Variants in SOWAHB observed in about 807,000 individuals in gnomAD.
SOWAHB encodes the protein sosondowah ankyrin repeat domain family member B.
Under a neutral mutation model 18.3 loss-of-function variants are expected in SOWAHB, and 17 were observed. The observed-to-expected ratio is 0.93, with a 90% CI of 0.64 to 1.40. SOWAHB has a LOEUF of 1.40. SOWAHB is among the 40% of genes most tolerant of loss of function. The probability of loss-of-function intolerance (pLI) is 0.00; values close to 1 mark genes in which losing one functional copy is unlikely to be tolerated. For synonymous variants in SOWAHB, 496 were observed against 448.1 expected (o/e 1.11, Z -1.35); for missense variants, 1,126 against 1,033.7 (o/e 1.09, Z -1.22).
rs755017344 is a variant in SOWAHB at position 76,897,404 on chromosome 4, G to A, written c.446C>T (p.Pro149Leu). ...RAADAACNGL[P>L]GSDSRRAPGK... ...GGGCGCCCTACGGGAGTCGCTGCCC[G>A]GGAGTCCATTGCAAGCTGCGTCGGC... Residue 149 changes from proline to leucine, a missense_variant, in exon 1 of 1, where the codon CCG becomes CTG. Coordinates refer to ENST00000334306, the MANE Select transcript of SOWAHB (RefSeq NM_001029870.3). The surrounding 1 kb of genome is among the most constrained non-coding windows in gnomAD (Gnocchi z 6.4). 2.0e-6 allele frequency: 3 copies of A among 1,524,498 alleles called. No homozygotes were observed. The highest frequency in any genetic ancestry group is 2.6e-6 in the Non-Finnish European group (3 of 1,142,804). 94.4% of individuals were successfully genotyped at this position (1,524,498 alleles called of 1,614,324 possible).
In SOWAHB at chr4:76,897,029, G is replaced by T. The variant is rs1244512161; in HGVS notation, c.821C>A (p.Ala274Asp). Reference protein sequence around the residue: ...EAATSRASPPALLPGPAPRGD... With the variant: ...EAATSRASPPDLLPGPAPRGD... ...GCGGGGAGCGGGGCCGGGCAGGAGA[G>T]CAGGCGGGGAAGCCCTGCTTGTCGC... Residue 274 changes from alanine to aspartate, a missense_variant, in exon 1 of 1, where the codon GCT (alanine) becomes GAT (aspartate). Transcript: ENST00000334306. This position sits in a 1 kb window ranked among gnomAD's most constrained non-coding sequence, Gnocchi z 6.4. The T allele has an allele frequency of 1.3e-6, 2 of 1,550,976 alleles. No homozygotes were observed. The highest frequency in any genetic ancestry group is 1.7e-6 in the Non-Finnish European group (2 of 1,154,654).
Position 76,896,791 on chromosome 4 carries a change from G to C in SOWAHB, c.1059C>G (p.Asp353Glu). 1 of 1,613,938 alleles carries C rather than the reference G, an allele frequency of 6.2e-7. No homozygotes were observed. The change falls in exon 1 of 1, where the codon GAC (aspartate) becomes GAG (glutamate). Residue 353 changes from aspartate to glutamate, a missense_variant. Asp to Glu is a conservative substitution (Grantham distance 45). Coordinates refer to ENST00000334306, the MANE Select transcript of SOWAHB (RefSeq NM_001029870.3). ...AGAGAGAGTGCGAGGAAAGACAGGG[G>C]TCTGGCGGCTCTGAATTAGGCTCCG... ...GSTEPNSEPP[D>E]PCLSSHSLFP...
In SOWAHB at chr4:76,897,913, G is replaced by A; in HGVS notation, c.-64C>T. On this transcript the variant is annotated 5_prime_UTR_variant, in exon 1 of 1. Transcript: ENST00000334306. This position sits in a 1 kb window ranked among gnomAD's most constrained non-coding sequence, Gnocchi z 6.4. ...GCCCTCCCGGGGCTCTCCCCAGCCA[G>A]AGGAAACCCTGGCCGGGCGAGTGTC... 1.3e-6 allele frequency: 2 copies of A among 1,489,854 alleles called. No individual in the cohort carries two copies. Among genetic ancestry groups the A allele is most frequent in the Non-Finnish European group, 1.8e-6 (2 of 1,115,806 alleles). The allele number at this position is 1,489,854 out of a possible 1,614,324, so 92.3% of individuals were successfully genotyped here. A position where few individuals can be genotyped will look rare whatever the true frequency, so the allele number is the denominator to read the frequency against.
rs767948169 is a variant in SOWAHB, at chr4:76,896,676, G to C, written c.1174C>G (p.Gln392Glu). The change falls in exon 1 of 1, where the codon CAA (glutamine) becomes GAA (glutamate). Residue 392 changes from glutamine (Q) to glutamate (E), a missense_variant. By Grantham distance (29) the Gln-to-Glu change is conservative. Coordinates refer to ENST00000334306, the MANE Select transcript of SOWAHB (RefSeq NM_001029870.3). ...TGGTCCACAAAGTCATCCAGATCTT[G>C]GAGGGACAGCTGACAACGAATGCTG... ...FRSIRCQLSL[Q>E]DLDDFVDQES... is the part of the protein sequence containing the mutation. 3 of 1,614,076 alleles carry C rather than the reference G, an allele frequency of 1.9e-6. No homozygotes were observed. The highest frequency in any genetic ancestry group is 2.5e-6 in the Non-Finnish European group (3 of 1,180,042).
At position 76,896,093 on chromosome 4, in the gene SOWAHB, T is replaced by C; in HGVS notation, c.1757A>G (p.His586Arg). 6.3e-7 allele frequency: 1 copy of C among 1,586,320 alleles called. No individual in the cohort carries two copies. The highest frequency in any genetic ancestry group is 8.6e-7 in the Non-Finnish European group (1 of 1,166,914). Residue 586 changes from histidine (H) to arginine (R), a missense_variant, in exon 1 of 1, where the codon CAC (histidine) becomes CGC (arginine). Transcript: ENST00000334306. ...AALAPHRTSE[H>R]KSSLVPLDAR... Reference sequence around the variant, plus strand: ...ATCTAGTGGAACCAGGGATGATTTGTGCTCAGAAGTTCTGTGGGGGGCCAA... The same window carrying C: ...ATCTAGTGGAACCAGGGATGATTTGCGCTCAGAAGTTCTGTGGGGGGCCAA...
In SOWAHB at chr4:76,896,878, AG is replaced by A; in HGVS notation, c.971del (p.Pro324LeufsTer56). ...CTGGCAGCACCGACCAGGCGCGGAT[AG>A]GGCCCTGATCACGGGCCTCGGGCAC... is the stretch of plus-strand genomic sequence containing the variant. ...PQVPEARDQG[P>X]IRAWSVLPDN... On this transcript the variant is annotated frameshift_variant, in exon 1 of 1. Transcript: ENST00000334306. LOFTEE classifies it low-confidence loss of function (END_TRUNC). 3.7e-6 allele frequency: 6 copies of A among 1,613,350 alleles called. No individual in the cohort carries two copies. Among genetic ancestry groups the A allele is most frequent in the Non-Finnish European group, 5.1e-6 (6 of 1,179,988 alleles).
Position 76,896,455 on chromosome 4 carries a change from G to A in SOWAHB, c.1395C>T (p.His465=). 6.2e-7 allele frequency: 1 copy of A among 1,612,666 alleles called. No individual in the cohort carries two copies. Among genetic ancestry groups the A allele is most frequent in the Non-Finnish European group, 8.5e-7 (1 of 1,179,728 alleles). The change falls in exon 1 of 1, where the codon CAC becomes CAT. Residue 465 remains histidine (H), a synonymous_variant. Coordinates refer to ENST00000334306, the MANE Select transcript of SOWAHB (RefSeq NM_001029870.3). The part of the protein sequence containing the change: ...PQGLRNRGDG[H]ISQQVPAGAN... The stretch of plus-strand genomic sequence containing the variant: ...CCCCTGCAGGGACCTGCTGAGAGAT[G>A]TGACCATCCCCTCTGTTTCTGAGAC...
In SOWAHB at chr4:76,896,603, G is replaced by C. The variant is rs771974800; in HGVS notation, c.1247C>G (p.Pro416Arg). 6.8e-6 allele frequency: 11 copies of C among 1,613,682 alleles called. No homozygotes were observed. The South Asian group carries it at 1.2e-4, about 18-fold the overall frequency. The change falls in exon 1 of 1, where the codon CCG becomes CGG. Residue 416 changes from proline (P) to arginine (R), a missense_variant. By Grantham distance (103) the Pro-to-Arg change is moderately radical (BLOSUM62 -2). Coordinates refer to ENST00000334306, the MANE Select transcript of SOWAHB (RefSeq NM_001029870.3). ...EESSSGPKDS[P>R]GASEEGLQVV... is the part of the protein sequence containing the mutation. ...CTGCAGCCCCTCTTCAGAAGCCCCC[G>C]GGGAGTCTTTGGGCCCACTGCTGCT...
At position 76,897,509 on chromosome 4, in the gene SOWAHB, T is replaced by C. The variant is rs531534607; in HGVS notation, c.341A>G (p.Glu114Gly). Reference protein sequence around the residue: ...PCSPRGARRGEPPQQQPRRRR... With the variant: ...PCSPRGARRGGPPQQQPRRRR... ...CCGCCTGGGCTGCTGCTGGGGCGGCTCCCCCCGGCGCGCGCCTCGCGGGGA... is the reference window on the plus strand; with the variant it reads ...CCGCCTGGGCTGCTGCTGGGGCGGCCCCCCCCGGCGCGCGCCTCGCGGGGA... Residue 114 changes from glutamate (E) to glycine (G), a missense_variant, in exon 1 of 1, where the codon GAG (glutamate) becomes GGG (glycine). Coordinates refer to ENST00000334306, the MANE Select transcript of SOWAHB (RefSeq NM_001029870.3). This position sits in a 1 kb window ranked among gnomAD's most constrained non-coding sequence, Gnocchi z 6.4. The C allele has an allele frequency of 6.7e-4, 958 of 1,424,612 alleles. 7 individuals are homozygous for C. The African/African-American group carries it at 0.013, about 20-fold the overall frequency. 88.2% of individuals were successfully genotyped at this position (1,424,612 alleles called of 1,614,324 possible). A position where few individuals can be genotyped will look rare whatever the true frequency, so the allele number is the denominator to read the frequency against.
Position 76,896,663 on chromosome 4 carries a change from T to A in SOWAHB, c.1187A>T (p.Asp396Val). The A allele has an allele frequency of 1.2e-6, 2 of 1,613,998 alleles. No homozygotes were observed. Among genetic ancestry groups the A allele is most frequent in the East Asian group, 4.5e-5 (2 of 44,880 alleles). The stretch of plus-strand genomic sequence containing the variant: ...GCCATCACTCTCCTGGTCCACAAAG[T>A]CATCCAGATCTTGGAGGGACAGCTG... Reference protein sequence around the residue: ...RCQLSLQDLDDFVDQESDGSE... With the variant: ...RCQLSLQDLDVFVDQESDGSE... Residue 396 changes from aspartate (D) to valine (V), a missense_variant, in exon 1 of 1, where the codon GAC becomes GTC. Physicochemically the swap from Asp to Val is radical, Grantham distance 152. Coordinates refer to ENST00000334306, the MANE Select transcript of SOWAHB (RefSeq NM_001029870.3).
chr4:76,895,296 TG>T lies in SOWAHB; in HGVS notation c.*171del. The T allele has an allele frequency of 1.6e-6, 1 of 624,644 alleles. No homozygotes were observed. The highest frequency in any genetic ancestry group is 3.5e-5 in the Admixed American group (1 of 28,858). The allele number at this position is 624,644 out of a possible 1,614,324, so 38.7% of individuals were successfully genotyped here. On this transcript the variant is annotated 3_prime_UTR_variant, in exon 1 of 1. Coordinates refer to ENST00000334306, the MANE Select transcript of SOWAHB (RefSeq NM_001029870.3). Reference sequence around the variant, plus strand: ...CAAGGAGTTCAGCTTTCAAAAAGCTTGGATGACCCTCTTGAGGTCCAGGATG... The same window carrying T: ...CAAGGAGTTCAGCTTTCAAAAAGCTTGATGACCCTCTTGAGGTCCAGGATG...
In SOWAHB at chr4:76,897,910, C is replaced by A. The variant is rs1719975356; in HGVS notation, c.-61G>T. Reference sequence around the variant, plus strand: ...CTCGCCCTCCCGGGGCTCTCCCCAGCCAGAGGAAACCCTGGCCGGGCGAGT... The same window carrying A: ...CTCGCCCTCCCGGGGCTCTCCCCAGACAGAGGAAACCCTGGCCGGGCGAGT... On this transcript the variant is annotated 5_prime_UTR_variant, in exon 1 of 1. Transcript: ENST00000334306. This position sits in a 1 kb window ranked among gnomAD's most constrained non-coding sequence, Gnocchi z 6.4. 21 of 1,495,872 alleles carry A rather than the reference C, an allele frequency of 1.4e-5. No homozygotes were observed. Among genetic ancestry groups the A allele is most frequent in the Admixed American group, 2.1e-5 (1 of 48,260 alleles). The allele number at this position is 1,495,872 out of a possible 1,614,324, so 92.7% of individuals were successfully genotyped here.
Position 76,897,726 on chromosome 4 carries a change from TG to T in SOWAHB, c.123del (p.Ser42AlafsTer205). The T allele has an allele frequency of 6.2e-7, 1 of 1,610,218 alleles. No homozygotes were observed. On this transcript the variant is annotated frameshift_variant, in exon 1 of 1. Coordinates refer to ENST00000334306, the MANE Select transcript of SOWAHB (RefSeq NM_001029870.3). LOFTEE classifies it low-confidence loss of function (END_TRUNC). This position sits in a 1 kb window ranked among gnomAD's most constrained non-coding sequence, Gnocchi z 6.4. ...KSFLRDPDASPSQHQHRRELF... is the reference protein window; with the variant it reads ...KSFLRDPDASXSQHQHRRELF... ...AGCTCGCGGCGGTGCTGGTGCTGGC[TG>T]GGGGACGCGTCGGGGTCTCGGAGAA...
chr4:76,897,945 GC>G lies in SOWAHB; in HGVS notation c.-97del. On this transcript the variant is annotated 5_prime_UTR_variant, in exon 1 of 1. Coordinates refer to ENST00000334306, the MANE Select transcript of SOWAHB (RefSeq NM_001029870.3). The surrounding 1 kb of genome is among the most constrained non-coding windows in gnomAD (Gnocchi z 6.4). ...CCCTGGCCGGGCGAGTGTCACCTGC[GC>G]CCGGGGCGGCACTAGCCGCCCCCAT... is the stretch of plus-strand genomic sequence containing the variant. The G allele has an allele frequency of 7.5e-7, 1 of 1,325,556 alleles. No homozygotes were observed. The highest frequency in any genetic ancestry group is 1.5e-5 in the African/African-American group (1 of 67,556). The allele number at this position is 1,325,556 out of a possible 1,614,324, so 82.1% of individuals were successfully genotyped here.
In SOWAHB at chr4:76,894,309, G is replaced by A. The variant is rs1475347022; in HGVS notation, c.*1159C>T. ...TTGAACATGTATTTCAGCCCTCTTT[G>A]AACTTATTCTGAAATCTTGATGCTC... On this transcript the variant is annotated 3_prime_UTR_variant, in exon 1 of 1. Coordinates refer to ENST00000334306, the MANE Select transcript of SOWAHB (RefSeq NM_001029870.3). 1.3e-5 allele frequency among the ~76,000 whole-genome samples: 2 copies of A among 152,040 alleles called. No homozygotes were observed. Among genetic ancestry groups the A allele is most frequent in the East Asian group, 3.9e-4 (2 of 5,188 alleles).
In SOWAHB at chr4:76,897,744, C is replaced by A; in HGVS notation, c.106G>T (p.Asp36Tyr). 2 of 1,608,946 alleles carry A rather than the reference C, an allele frequency of 1.2e-6. No individual in the cohort carries two copies. The highest frequency in any genetic ancestry group is 1.7e-6 in the Non-Finnish European group (2 of 1,179,894). Residue 36 changes from aspartate (D) to tyrosine (Y), a missense_variant, in exon 1 of 1, where the codon GAC becomes TAC. Coordinates refer to ENST00000334306, the MANE Select transcript of SOWAHB (RefSeq NM_001029870.3). The surrounding 1 kb of genome is among the most constrained non-coding windows in gnomAD (Gnocchi z 6.4). ...TGCTGGCTGGGGGACGCGTCGGGGTCTCGGAGAAAGCTCTTGAAGTGGCTC... is the reference window on the plus strand; with the variant it reads ...TGCTGGCTGGGGGACGCGTCGGGGTATCGGAGAAAGCTCTTGAAGTGGCTC... ...LLSHFKSFLR[D>Y]PDASPSQHQH...
chr4:76,895,510 C>T lies in SOWAHB; in HGVS notation c.2340G>A (p.Glu780=). The T allele has an allele frequency of 6.2e-7, 1 of 1,613,278 alleles. No individual in the cohort carries two copies. Among genetic ancestry groups the T allele is most frequent in the Non-Finnish European group, 8.5e-7 (1 of 1,179,656 alleles). ...HNKWKLANQY[E]KFHSPREREE... ...CTCTTTCCCTTGGACTGTGGAATTT[C>T]TCATACTGGTTGGCCAGTTTCCACT... The change falls in exon 1 of 1, where the codon GAG becomes GAA. Residue 780 remains glutamate (E), a synonymous_variant. Coordinates refer to ENST00000334306, the MANE Select transcript of SOWAHB (RefSeq NM_001029870.3).
rs370674975 is a variant in SOWAHB at position 76,895,551 on chromosome 4, T to C, written c.2299A>G (p.Lys767Glu). The change falls in exon 1 of 1, where the codon AAA becomes GAA. Residue 767 changes from lysine to glutamate, a missense_variant. Coordinates refer to ENST00000334306, the MANE Select transcript of SOWAHB (RefSeq NM_001029870.3). ...TRKTSFAALL[K>E]SQHNKWKLAN... is the part of the protein sequence containing the mutation. ...AGTTTCCACTTGTTGTGCTGACTTT[T>C]GAGTAGTGCAGCGAAGGAAGTTTTT... is the stretch of plus-strand genomic sequence containing the variant. 5.6e-6 allele frequency: 9 copies of C among 1,614,248 alleles called. No individual in the cohort carries two copies. The highest frequency in any genetic ancestry group is 1.6e-4 in the Middle Eastern group (1 of 6,062).
At position 76,896,793 on chromosome 4, in the gene SOWAHB, C is replaced by CT. The variant is rs1459793029; in HGVS notation, c.1056dup (p.Asp353ArgfsTer16). ...AGAGAGTGCGAGGAAAGACAGGGGT[C>CT]TGGCGGCTCTGAATTAGGCTCCGTG... is the stretch of plus-strand genomic sequence containing the variant. On this transcript the variant is annotated frameshift_variant, in exon 1 of 1. Transcript: ENST00000334306. LOFTEE classifies it low-confidence loss of function (END_TRUNC). 6.2e-7 allele frequency: 1 copy of CT among 1,613,876 alleles called. No individual in the cohort carries two copies. The highest frequency in any genetic ancestry group is 1.1e-5 in the South Asian group (1 of 91,090).
Sources: allele counts gnomAD v4.1 joint callset (sites outside exome capture counted in the v4.1 genomes callset), GRCh38; gene constraint gnomAD v4.1.1; non-coding constraint Gnocchi (gnomAD v3.1); transcripts MANE v1.5; gene names NCBI Gene and HGNC (gene_info 2026-07-23, HGNC 2026-07-21).